Variants in RBFOX1 observed in about 807,000 individuals in gnomAD.
The protein encoded by RBFOX1 is RNA binding protein fox-1 homolog 1.
RBFOX1 carries 8 observed loss-of-function variants against 57.7 expected under a neutral mutation model. The ratio of observed to expected loss-of-function variants is 0.14; its 90% CI spans 0.08 to 0.25. The LOEUF (loss-of-function observed/expected upper bound fraction) is 0.25. RBFOX1 is among the 10% of genes least tolerant of loss of function. The probability of loss-of-function intolerance (pLI) is 1.00; values close to 1 mark genes in which losing one functional copy is unlikely to be tolerated. For missense variants in RBFOX1, 611 were observed against 548.5 expected, an observed-to-expected ratio of 1.11 and a Z score of -1.14; for synonymous variants, 326 against 222.4, an observed-to-expected ratio of 1.47 and a Z score of -4.15.
chr16:7,162,772 G>T (rs920668299), intron 4 of RBFOX1, among the ~76,000 whole-genome samples: 1 of 151,890 alleles, frequency 6.6e-6, no homozygotes, highest in African/African-American at 2.4e-5. Context: ...ATAAATACAA[G>T]GCAAATTGAA....
At chr16:6,844,712 T>A (rs1603631517) in intron 3 of RBFOX1, among the ~76,000 whole-genome samples, 2 of 152,328 alleles carry the variant, frequency 1.3e-5, no homozygotes, top group South Asian at 2.1e-4. Flanking sequence ...AGTAATTGGA[T>A]TGTTGGGTCA....
chr16:7,113,054 C>G (rs1337342456), intron 4 of RBFOX1, among the ~76,000 whole-genome samples: 1 of 152,188 alleles, frequency 6.6e-6, no homozygotes, highest in African/African-American at 2.4e-5. Flanking sequence ...GCCTTGCAAC[C>G]TGGACAGAAT....
intron 5 of RBFOX1, among the ~76,000 whole-genome samples, chr16:7,573,104 A>G (rs991170644): frequency 2.6e-5 from 4 of 152,206 alleles, no homozygotes; most frequent in Non-Finnish European, 4.4e-5. Context: ...GCTGTAGATC[A>G]TAGGGCCAGT....
At chr16:5,624,145 G>A (rs116049447) in intron 3 of RBFOX1, among the ~76,000 whole-genome samples, 1 of 152,154 alleles carries the variant, frequency 6.6e-6, no homozygotes, top group African/African-American at 2.4e-5. Context: ...TTTAATACTC[G>A]AAGGTTTCAA....
chr16:5,510,032 C>T (rs554935777), intron 2 of RBFOX1, among the ~76,000 whole-genome samples: 21 of 152,298 alleles, frequency 1.4e-4, no homozygotes, highest in African/African-American at 4.3e-4. Context: ...CCCCTGGGCG[C>T]GTCAGTTCTG....
intron 1 of RBFOX1, among the ~76,000 whole-genome samples, chr16:6,094,457 C>G (rs925109291): frequency 2.0e-5 from 3 of 152,178 alleles, no homozygotes; most frequent in East Asian, 1.9e-4. Flanking sequence ...TAATCACTCT[C>G]TAAAGTCACC....
chr16:5,657,697 T>TC (rs2049491192), intron 3 of RBFOX1, among the ~76,000 whole-genome samples: 17 of 135,896 alleles, frequency 1.3e-4, no homozygotes, highest in African/African-American at 4.2e-4. Context: ...TCTTTCTTTC[T>TC]CCTTCTGTCT....
chr16:7,043,766 G>T (rs7187213), intron 3 of RBFOX1, among the ~76,000 whole-genome samples: 1 of 151,960 alleles, frequency 6.6e-6, no homozygotes, highest in African/African-American at 2.4e-5. Flanking sequence ...ACTTTCCCCA[G>T]TTCAAGTTAA....
intron 5 of RBFOX1, among the ~76,000 whole-genome samples, chr16:7,530,120 T>C (rs1372837196): frequency 6.6e-6 from 1 of 152,056 alleles, no homozygotes; most frequent in Non-Finnish European, 1.5e-5. Flanking sequence ...CAGAGATTCA[T>C]AGAATGTTAG....
intron 1 of RBFOX1, among the ~76,000 whole-genome samples, chr16:6,118,937 A>G (rs1477441181): frequency 1.3e-5 from 2 of 151,854 alleles, no homozygotes; most frequent in Non-Finnish European, 1.5e-5. Context: ...TCAACATGTG[A>G]ATATGGGGAG....
At chr16:6,003,579 CT>C (rs1316207234) in intron 4 of RBFOX1, among the ~76,000 whole-genome samples, 1 of 152,066 alleles carries the variant, frequency 6.6e-6, no homozygotes, top group Non-Finnish European at 1.5e-5. Context: ...TAGCTAGTGC[CT>C]TTTTAAATAC....
intron 1 of RBFOX1, among the ~76,000 whole-genome samples, chr16:6,198,638 T>C (rs2097195965): frequency 6.6e-6 from 1 of 152,178 alleles, no homozygotes; most frequent in African/African-American, 2.4e-5. Flanking sequence ...TGATTAGGAA[T>C]TTGGCAGGTA....
At chr16:5,398,700 G>A (rs1036377248) in intron 1 of RBFOX1, among the ~76,000 whole-genome samples, 18 of 152,050 alleles carry the variant, frequency 1.2e-4, no homozygotes, top group Admixed American at 9.2e-4. Flanking sequence ...GAGGAAGGAG[G>A]CTGATGAGCT....
chr16:5,978,926 A>C (rs940855382), intron 4 of RBFOX1, among the ~76,000 whole-genome samples: 2 of 152,162 alleles, frequency 1.3e-5, no homozygotes, highest in South Asian at 4.1e-4. Flanking sequence ...CAGCTTCTCC[A>C]TTGTGAAGTC....
At chr16:7,635,781 G>A (rs41348648) in intron 11 of RBFOX1, among the ~76,000 whole-genome samples, 4,390 of 152,044 alleles carry the variant, frequency 0.029, 100 homozygotes, top group South Asian at 0.12. Flanking sequence ...AGTCATTCAA[G>A]CCACTTCTTT....
At position 7,421,871 on chromosome 16, in the gene RBFOX1, T is replaced by A. The variant is rs575320510; in HGVS notation, c.28-96276T>A. ...ATAGAGAGTGTTCATTTCTTCAGCC[T>A]TTTTGAAGGAGAAGTGAGCCCTTAA... On this transcript the variant is annotated intron_variant, in intron 4 of 15. Coordinates refer to ENST00000550418, the MANE Select transcript of RBFOX1 (RefSeq NM_018723.4). 6.6e-5 allele frequency among the ~76,000 whole-genome samples: 10 copies of A among 152,316 alleles called. No individual in the cohort carries two copies. The South Asian group carries it at 2.1e-3, about 32-fold the overall frequency.
intron 4 of RBFOX1, among the ~76,000 whole-genome samples, chr16:7,265,168 C>T (rs1313989140): frequency 3.9e-5 from 6 of 152,172 alleles, no homozygotes; most frequent in African/African-American, 7.2e-5. Context: ...TTAGTCTATC[C>T]AGTTGCCATA....
At chr16:6,779,196 A>T (rs115517681) in intron 3 of RBFOX1, among the ~76,000 whole-genome samples, 561 of 152,068 alleles carry the variant, frequency 3.7e-3, no homozygotes, top group Middle Eastern at 0.014. Context: ...GCATTTGGTA[A>T]ACATTATTCT....
intron 4 of RBFOX1, among the ~76,000 whole-genome samples, chr16:7,289,169 A>G (rs944683892): frequency 1.3e-5 from 2 of 152,222 alleles, no homozygotes; most frequent in Non-Finnish European, 2.9e-5. Context: ...AAAAGCAGTC[A>G]GGGTGATGAT....
Sources: gnomAD v4.1 joint callset for allele counts (sites outside exome capture counted in the v4.1 genomes callset) on GRCh38, gnomAD v4.1.1 for gene constraint, MANE v1.5 for transcripts, NCBI Gene and HGNC (gene_info 2026-07-23, HGNC 2026-07-21) for gene names.